The following TMEM208 variants were observed in gnomAD, a reference collection of about 807,000 sequenced individuals.
The protein encoded by TMEM208 is transmembrane protein 208.
TMEM208 carries 19 observed loss-of-function variants against 26.4 expected under a neutral mutation model. The ratio of observed to expected loss-of-function variants is 0.72; its 90% CI spans 0.50 to 1.06. The LOEUF is 1.06. Among genes scored for constraint, TMEM208 ranks in the 50% least tolerant of loss-of-function variants. TMEM208 has a pLI of 0.00. For synonymous variants in TMEM208, 93 were observed against 83.1 expected (o/e 1.12, Z -0.65); for missense variants, 183 against 219.8 (o/e 0.83, Z 1.06).
rs778118885 is a variant in TMEM208 at position 67,228,390 on chromosome 16, C to T, written c.138C>T (p.Tyr46=). The change falls in exon 3 of 6, where the codon TAC becomes TAT. Residue 46 remains tyrosine (Y), a synonymous_variant. Coordinates refer to ENST00000304800, the MANE Select transcript of TMEM208 (RefSeq NM_014187.4). ...IYCLVTLVFF[Y]SSASFWAWLA... ...GCCTTGTGACGTTGGTCTTCTTTTA[C>T]TCATCTGCCTCATTTTGGGCCTGGG... 30 of 1,613,880 alleles carry T rather than the reference C, an allele frequency of 1.9e-5. 1 individual carries two copies. Among genetic ancestry groups the T allele is most frequent in the African/African-American group, 6.7e-5 (5 of 74,906 alleles).
intron 1 of TMEM208, 57 bp downstream of exon 1, chr16:67,227,281 G>C (rs1441962555): frequency 1.3e-6 from 2 of 1,587,354 alleles, no homozygotes; most frequent in Non-Finnish European, 1.7e-6. Flanking sequence ...GGGGCTGTGA[G>C]AGTGAAAACT....
chr16:67,227,535 C>T (rs1160935178), intron 1 of TMEM208: 3 of 559,234 alleles, frequency 5.4e-6, no homozygotes, highest in Non-Finnish European at 9.5e-6. Context: ...TCAGGAGTAC[C>T]CTTGGAAGAG....
intron 4 of TMEM208, 25 bp downstream of exon 4, chr16:67,228,656 A>C: frequency 6.5e-7 from 1 of 1,546,144 alleles, no homozygotes; most frequent in Non-Finnish European, 8.7e-7. Context: ...CCGCCAGCCC[A>C]GGTGAGCGGC....
At chr16:67,228,147 C>G in intron 2 of TMEM208, 1 of 663,610 alleles carries the variant, frequency 1.5e-6, no homozygotes, top group Non-Finnish European at 2.6e-6. Context: ...CTTCCTACCT[C>G]CAAGTACACA....
Position 67,229,037 on chromosome 16 carries a change from A to G in TMEM208, c.446A>G (p.Asp149Gly). The change falls in exon 6 of 6, where the codon GAC becomes GGC. Residue 149 changes from aspartate to glycine, a missense_variant. By Grantham distance (94) the Asp-to-Gly change is moderately conservative. Transcript: ENST00000304800. Reference sequence around the variant, plus strand: ...GTGCTGGGCCCCTGGTTCACTGCAGACAGTGGCACCCCAGCACCAGAGCAC... The same window carrying G: ...GTGCTGGGCCCCTGGTTCACTGCAGGCAGTGGCACCCCAGCACCAGAGCAC... ...VNVLGPWFTA[D>G]SGTPAPEHNE... The G allele has an allele frequency of 6.2e-7, 1 of 1,613,300 alleles. No individual in the cohort carries two copies. The highest frequency in any genetic ancestry group is 1.3e-5 in the African/African-American group (1 of 75,020).
At chr16:67,227,561 C>T (rs2034068975) in intron 1 of TMEM208, 2 of 557,556 alleles carry the variant, frequency 3.6e-6, no homozygotes, top group Non-Finnish European at 6.3e-6. Context: ...AGCCTAAAGC[C>T]AGACTACCAC....
rs1271250428 is a variant in TMEM208, at chr16:67,228,982, G to A, written c.391G>A (p.Gly131Ser). The A allele has an allele frequency of 1.2e-6, 2 of 1,609,468 alleles. No homozygotes were observed. The highest frequency in any genetic ancestry group is 2.7e-5 in the African/African-American group (2 of 74,692). Residue 131 changes from glycine to serine, a missense_variant, in exon 6 of 6, where the codon GGC becomes AGC. By Grantham distance (56) the Gly-to-Ser change is moderately conservative (BLOSUM62 0). Transcript: ENST00000304800. ...YVWSFWLLAP[G>S]RALYLLWVNV... Reference sequence around the variant, plus strand: ...GTTACCGTTTCTCTTGTAGGCTCCAGGCCGGGCCCTTTACCTCCTGTGGGT... The same window carrying A: ...GTTACCGTTTCTCTTGTAGGCTCCAAGCCGGGCCCTTTACCTCCTGTGGGT...
chr16:67,227,819 T>C lies in TMEM208; in HGVS notation c.7-17T>C, dbSNP rs951368057. The C allele has an allele frequency of 7.3e-5, 117 of 1,592,224 alleles. No homozygotes were observed. The highest frequency in any genetic ancestry group is 9.9e-5 in the Non-Finnish European group (116 of 1,168,464). ...AGGACCGTGGCCTCCTGACGGCATC[T>C]CATCATTCCTCTGCAGCCCAAGGGC... On this transcript the variant is annotated splice_polypyrimidine_tract_variant and intron_variant, in intron 1 of 5. Coordinates refer to ENST00000304800, the MANE Select transcript of TMEM208 (RefSeq NM_014187.4).
rs1466023612 is a variant in TMEM208, at chr16:67,228,806, G to A, written c.309G>A (p.Lys103=). The A allele has an allele frequency of 2.5e-6, 4 of 1,613,308 alleles. No homozygotes were observed. Among genetic ancestry groups the A allele is most frequent in the African/African-American group, 2.7e-5 (2 of 74,846 alleles). ...TTATTTCTATCCACAGGCACCTTAAGGATGTGATCCTACTGACAGCCATCG... is the reference window on the plus strand; with the variant it reads ...TTATTTCTATCCACAGGCACCTTAAAGATGTGATCCTACTGACAGCCATCG... ...NMEQGMAEHL[K]DVILLTAIVQ... is the part of the protein sequence containing the mutation. The change falls in exon 5 of 6, where the codon AAG becomes AAA. Residue 103 remains lysine (K), a synonymous_variant. Transcript: ENST00000304800.
intron 1 of TMEM208, chr16:67,227,546 T>A (rs2034068540): frequency 1.8e-6 from 1 of 547,036 alleles, no homozygotes. Flanking sequence ...CTTGGAAGAG[T>A]CGTTAGCCTA....
Position 67,229,128 on chromosome 16 carries a change from G to A in TMEM208, c.*15G>A. On this transcript the variant is annotated 3_prime_UTR_variant, in exon 6 of 6. Coordinates refer to ENST00000304800, the MANE Select transcript of TMEM208 (RefSeq NM_014187.4). Reference sequence around the variant, plus strand: ...AGCGGTTATAGCCATTGACATTGTGGCCACAGGCCACTGGCCCTGGGTGGC... The same window carrying A: ...AGCGGTTATAGCCATTGACATTGTGACCACAGGCCACTGGCCCTGGGTGGC... The A allele has an allele frequency of 6.3e-7, 1 of 1,576,920 alleles. No individual in the cohort carries two copies. The highest frequency in any genetic ancestry group is 8.6e-7 in the Non-Finnish European group (1 of 1,161,568).
chr16:67,228,256 C>A, intron 2 of TMEM208, 99 bp from the exon 3 acceptor site: 1 of 1,359,472 alleles, frequency 7.4e-7, no homozygotes, highest in Non-Finnish European at 1.1e-6. Context: ...AACAACCTTG[C>A]TCCTCCCACA....
intron 1 of TMEM208, 57 bp downstream of exon 1, chr16:67,227,281 G>A (rs1441962555): frequency 6.3e-7 from 1 of 1,587,236 alleles, no homozygotes; most frequent in African/African-American, 1.4e-5. Flanking sequence ...GGGGCTGTGA[G>A]AGTGAAAACT....
intron 1 of TMEM208, 112 bp downstream of exon 1, chr16:67,227,336 C>A: frequency 6.9e-7 from 1 of 1,453,858 alleles, no homozygotes; most frequent in South Asian, 1.3e-5. Context: ...AGCGGGGCGC[C>A]ATCCCTGGCC....
Position 67,227,144 on chromosome 16 carries a change from T to A in TMEM208, c.-75T>A. ...CGGTCTGCGCCGGAAGTGCATGAGCTGCCGATGTGGTGCTTAGTGATTGCG... is the reference window on the plus strand; with the variant it reads ...CGGTCTGCGCCGGAAGTGCATGAGCAGCCGATGTGGTGCTTAGTGATTGCG... On this transcript the variant is annotated 5_prime_UTR_variant, in exon 1 of 6. Transcript: ENST00000304800. 1 of 1,598,292 alleles carries A rather than the reference T, an allele frequency of 6.3e-7. No homozygotes were observed. Among genetic ancestry groups the A allele is most frequent in the East Asian group, 2.2e-5 (1 of 44,550 alleles).
In TMEM208 at chr16:67,229,216, C is replaced by T. The variant is rs966881781; in HGVS notation, c.*103C>T. 3 of 1,230,476 alleles carry T rather than the reference C, an allele frequency of 2.4e-6. No individual in the cohort carries two copies. In the African/African-American group the frequency reaches 4.6e-5, roughly 19 times the overall value. The allele number at this position is 1,230,476 out of a possible 1,614,324, so 76.2% of individuals were successfully genotyped here. A position where few individuals can be genotyped will look rare whatever the true frequency, so the allele number is the denominator to read the frequency against. ...GAGGGTCTAGTCCAGGGGCCAAAAG[C>T]AGTCTGAGGTATTGGGTATACTTAT... On this transcript the variant is annotated 3_prime_UTR_variant, in exon 6 of 6. Coordinates refer to ENST00000304800, the MANE Select transcript of TMEM208 (RefSeq NM_014187.4).
intron 2 of TMEM208, chr16:67,228,145 C>G: frequency 1.5e-6 from 1 of 660,982 alleles, no homozygotes; most frequent in Non-Finnish European, 2.6e-6. Flanking sequence ...CTCTTCCTAC[C>G]TCCAAGTACA....
Position 67,228,421 on chromosome 16 carries a change from ATC to A in TMEM208, c.162+10_162+11del, listed in dbSNP as rs1169539575. The A allele has an allele frequency of 6.2e-7, 1 of 1,613,854 alleles. No individual in the cohort carries two copies. Among genetic ancestry groups the A allele is most frequent in the Non-Finnish European group, 8.5e-7 (1 of 1,179,892 alleles). On this transcript the variant is annotated splice_region_variant and intron_variant, in intron 3 of 5. Transcript: ENST00000304800. ...TGCCTCATTTTGGGCCTGGGTAAGT[ATC>A]TCCATCCTGGGAGGTGGATGAGTGC... is the stretch of plus-strand genomic sequence containing the variant.
chr16:67,228,923 C>T, intron 5 of TMEM208, 42 bp downstream of exon 5: 1 of 1,612,404 alleles, frequency 6.2e-7, no homozygotes, highest in East Asian at 2.2e-5. Context: ...GCATCTAACC[C>T]TCCCCATCTT....
Sources: allele counts gnomAD v4.1 joint callset, GRCh38; gene constraint gnomAD v4.1.1; transcripts MANE v1.5; gene names NCBI Gene and HGNC (gene_info 2026-07-23, HGNC 2026-07-21).